The following MMP20 variants were observed in gnomAD, a reference collection of about 807,000 sequenced individuals.
MMP20 encodes the protein matrix metallopeptidase 20.
A neutral mutation model predicts 51.8 loss-of-function variants in MMP20; 50 were observed. The observed-to-expected ratio is 0.97, with a 90% CI of 0.77 to 1.22. The LOEUF (loss-of-function observed/expected upper bound fraction) is 1.22. MMP20 is among the 50% of genes most tolerant of loss of function. The pLI, the probability that MMP20 is intolerant of heterozygous loss-of-function variation, is 0.00. For synonymous variants in MMP20, 244 were observed against 216.2 expected (o/e 1.13, Z -1.13); for missense variants, 663 against 601.4 (o/e 1.10, Z -1.07).
intron 1 of MMP20, among the ~76,000 whole-genome samples, chr11:102,623,544 GA>G (rs1400809177): frequency 1.3e-5 from 2 of 152,184 alleles, no homozygotes; most frequent in Non-Finnish European, 2.9e-5. Flanking sequence ...CCACGTCCAT[GA>G]AAAACTGTCT....
At chr11:102,621,175 T>C (rs2135949360) in intron 1 of MMP20, among the ~76,000 whole-genome samples, 1 of 152,296 alleles carries the variant, frequency 6.6e-6, no homozygotes, top group South Asian at 2.1e-4. Flanking sequence ...AGCAGGGCAA[T>C]TATACCTTTT....
intron 6 of MMP20, among the ~76,000 whole-genome samples, chr11:102,598,273 T>C (rs556655055): frequency 3.3e-5 from 5 of 152,244 alleles, no homozygotes; most frequent in Middle Eastern, 3.4e-3. Flanking sequence ...GGATTTAAAA[T>C]ATAAACAAAA....
chr11:102,611,354 G>A (rs1276193550), intron 3 of MMP20, among the ~76,000 whole-genome samples: 2 of 152,198 alleles, frequency 1.3e-5, no homozygotes, highest in East Asian at 3.8e-4. Flanking sequence ...ACTGTGGAAG[G>A]TATTTGCTTC....
chr11:102,584,062 T>C (rs1859226914), intron 8 of MMP20, among the ~76,000 whole-genome samples: 1 of 152,168 alleles, frequency 6.6e-6, no homozygotes, highest in African/African-American at 2.4e-5. Flanking sequence ...CCAGCATTCG[T>C]CTATTATTAA....
chr11:102,613,956 G>A (rs1859634962), intron 2 of MMP20, among the ~76,000 whole-genome samples: 1 of 152,206 alleles, frequency 6.6e-6, no homozygotes, highest in Non-Finnish European at 1.5e-5. Flanking sequence ...AGAAGACAAG[G>A]AAGGAGAGAG....
At chr11:102,609,620 A>G (rs906243236) in intron 4 of MMP20, among the ~76,000 whole-genome samples, 1 of 152,224 alleles carries the variant, frequency 6.6e-6, no homozygotes, top group Non-Finnish European at 1.5e-5. Context: ...TAAGTAAGAA[A>G]TCATAAATAC....
chr11:102,596,854 A>T (rs535411998), intron 6 of MMP20, among the ~76,000 whole-genome samples: 1 of 152,244 alleles, frequency 6.6e-6, no homozygotes, highest in South Asian at 2.1e-4. Flanking sequence ...GGCCAGAGGG[A>T]CTGCTTCCCT....
Position 102,610,050 on chromosome 11 carries a change from G to A in MMP20, c.524-20C>T, listed in dbSNP as rs1341960209. 6.2e-7 allele frequency: 1 copy of A among 1,613,770 alleles called. No individual in the cohort carries two copies. Among genetic ancestry groups the A allele is most frequent in the South Asian group, 1.1e-5 (1 of 91,036 alleles). ...CGTGATCTAAACAAGTGGGGAGAAA[G>A]GCCAACAAGATTGAGTCCTTCTAGA... On this transcript the variant is annotated intron_variant, in intron 3 of 9. Coordinates refer to ENST00000260228, the MANE Select transcript of MMP20 (RefSeq NM_004771.4).
intron 9 of MMP20, among the ~76,000 whole-genome samples, chr11:102,578,693 G>A (rs17098615): frequency 0.02 from 3,043 of 151,948 alleles, 130 homozygotes; most frequent in African/African-American, 0.07. Flanking sequence ...CAGAGATCGC[G>A]CCACTGCAGT....
chr11:102,599,313 C>T (rs901316043), intron 6 of MMP20, among the ~76,000 whole-genome samples: 2 of 152,196 alleles, frequency 1.3e-5, no homozygotes, highest in East Asian at 3.9e-4. Flanking sequence ...AGCCACCATG[C>T]CGGCCTCTAT....
At chr11:102,583,273 A>G (rs912249426) in intron 8 of MMP20, among the ~76,000 whole-genome samples, 1 of 152,164 alleles carries the variant, frequency 6.6e-6, no homozygotes, top group East Asian at 1.9e-4. Flanking sequence ...CAAACCCATC[A>G]TCTCTGGCAG....
chr11:102,624,414 A>ATATATATATATC (rs1859791311), intron 1 of MMP20, among the ~76,000 whole-genome samples: 1 of 6,432 alleles, frequency 1.6e-4, no homozygotes, highest in Non-Finnish European at 4.3e-4. Flanking sequence ...ATATATATAT[A>ATATATATATATC]TATATATATA....
chr11:102,602,937 T>C (rs1478235874), intron 6 of MMP20, among the ~76,000 whole-genome samples: 1 of 152,228 alleles, frequency 6.6e-6, no homozygotes, highest in Non-Finnish European at 1.5e-5. Context: ...GATATAGCCT[T>C]AATAAATTTG....
chr11:102,592,322 C>T (rs1311755036), intron 8 of MMP20, among the ~76,000 whole-genome samples: 1 of 152,182 alleles, frequency 6.6e-6, no homozygotes, highest in African/African-American at 2.4e-5. Flanking sequence ...GCTCATGACA[C>T]CGCATGACAC....
chr11:102,598,106 A>T (rs1265075259), intron 6 of MMP20, among the ~76,000 whole-genome samples: 1 of 152,152 alleles, frequency 6.6e-6, no homozygotes, highest in Non-Finnish European at 1.5e-5. Context: ...AGTCATGAAA[A>T]ATTTCAGTAA....
Position 102,606,558 on chromosome 11 carries a change from C to T in MMP20, c.930G>A (p.Lys310=). Residue 310 remains lysine (K), a synonymous_variant, in exon 6 of 10, where the codon AAG becomes AAA. Coordinates refer to ENST00000260228, the MANE Select transcript of MMP20 (RefSeq NM_004771.4). ...SSFDAVTMLG[K]ELLLFKDRIF... Reference sequence around the variant, plus strand: ...ACCGGTCCTTGAAGAGCAGGAGCTCCTTCCCCAGCATTGTCACAGCGTCAA... The same window carrying T: ...ACCGGTCCTTGAAGAGCAGGAGCTCTTTCCCCAGCATTGTCACAGCGTCAA... The T allele has an allele frequency of 6.2e-7, 1 of 1,613,986 alleles. No individual in the cohort carries two copies. Among genetic ancestry groups the T allele is most frequent in the African/African-American group, 1.3e-5 (1 of 75,028 alleles).
At chr11:102,615,582 C>T (rs1224333528) in intron 2 of MMP20, among the ~76,000 whole-genome samples, 1 of 152,146 alleles carries the variant, frequency 6.6e-6, no homozygotes, top group East Asian at 1.9e-4. Context: ...GCCTGGCTCT[C>T]CACCGCCCTG....
chr11:102,606,570 T>C lies in MMP20; in HGVS notation c.918A>G (p.Thr306=), dbSNP rs1859519693. Residue 306 remains threonine, a synonymous_variant, in exon 6 of 10, where the codon ACA becomes ACG. Coordinates refer to ENST00000260228, the MANE Select transcript of MMP20 (RefSeq NM_004771.4). ...AGAGCAGGAGCTCCTTCCCCAGCATTGTCACAGCGTCAAAGGATGAGCTGG... is the reference window on the plus strand; with the variant it reads ...AGAGCAGGAGCTCCTTCCCCAGCATCGTCACAGCGTCAAAGGATGAGCTGG... ...CDSSSSFDAV[T]MLGKELLLFK... is the part of the protein sequence containing the mutation. 1 of 1,613,962 alleles carries C rather than the reference T, an allele frequency of 6.2e-7. No homozygotes were observed. Among genetic ancestry groups the C allele is most frequent in the South Asian group, 1.1e-5 (1 of 91,060 alleles).
chr11:102,594,870 T>G, intron 6 of MMP20, 113 bp from the exon 7 acceptor site: 1 of 1,343,226 alleles, frequency 7.4e-7, no homozygotes. Flanking sequence ...AAATGCCCTT[T>G]GCTCTTGCCT....
Sources: allele counts gnomAD v4.1 joint callset (sites outside exome capture counted in the v4.1 genomes callset), GRCh38; gene constraint gnomAD v4.1.1; transcripts MANE v1.5; gene names NCBI Gene and HGNC (gene_info 2026-07-23, HGNC 2026-07-21).